The following MYBPC1 variants were observed in gnomAD, a reference collection of about 807,000 sequenced individuals.
MYBPC1 encodes myosin-binding protein C, slow-type.
Under a neutral mutation model 147.1 loss-of-function variants are expected in MYBPC1, and 52 were observed. The observed-to-expected ratio is 0.35, with a 90% CI of 0.28 to 0.45. MYBPC1 has a LOEUF of 0.45. Among genes scored for constraint, MYBPC1 ranks in the 20% least tolerant of loss-of-function variants. MYBPC1 has a pLI of 1.00. For missense variants in MYBPC1, 1,228 were observed against 1,440.3 expected (o/e 0.85, Z 2.39); for synonymous variants, 477 against 475.9 (o/e 1.00, Z -0.03).
chr12:101,688,965 A>G (rs1027574716), downstream of MYBPC1, among the ~76,000 whole-genome samples: 2 of 128,528 alleles, frequency 1.6e-5, no homozygotes, highest in East Asian at 2.2e-4. Context: ...AAAAAAAAAA[A>G]AAAGAAAAAG....
At chr12:101,661,118 C>G in intron 19 of MYBPC1, 40 bp from the exon 20 acceptor site, 1 of 1,387,742 alleles carries the variant, frequency 7.2e-7, no homozygotes, top group Non-Finnish European at 1.0e-6. Context: ...TCTACTCCCT[C>G]TTCCTTATTT....
intron 10 of MYBPC1, among the ~76,000 whole-genome samples, chr12:101,640,986 C>A (rs1479998451): frequency 6.6e-6 from 1 of 151,944 alleles, no homozygotes; most frequent in African/African-American, 2.4e-5. Flanking sequence ...GTGGCACACA[C>A]CTGTAATCCC....
Position 101,685,621 on chromosome 12 carries a change from C to T in MYBPC1, c.*59C>T. ...TGCAGACTCCTCTTGCAAGGCGTAC[C>T]TCCAAACATAATTGATTCGTATCTG... On this transcript the variant is annotated 3_prime_UTR_variant, in exon 32 of 32. Coordinates refer to ENST00000361466, the MANE Select transcript of MYBPC1 (RefSeq NM_002465.4). 6.5e-7 allele frequency: 1 copy of T among 1,534,900 alleles called. No individual in the cohort carries two copies. The highest frequency in any genetic ancestry group is 1.4e-5 in the African/African-American group (1 of 73,066).
chr12:101,684,289 C>A, intron 30 of MYBPC1, 93 bp from the exon 31 acceptor site: 6 of 973,812 alleles, frequency 6.2e-6, no homozygotes, highest in South Asian at 5.1e-5. Flanking sequence ...ATAATCATGA[C>A]CATAATTTCA....
the MYBPC1 span, among the ~76,000 whole-genome samples, chr12:101,694,661 T>A: frequency 3.3e-5 from 5 of 152,222 alleles, no homozygotes; most frequent in Non-Finnish European, 7.3e-5. Flanking sequence ...GACTTTGGAC[T>A]TCCCAGCCTC....
Position 101,636,109 on chromosome 12 carries a change from A to G in MYBPC1, c.609-563A>G, listed in dbSNP as rs530874126. Among the ~76,000 whole-genome samples, 6 of 152,346 alleles carry G rather than the reference A, an allele frequency of 3.9e-5. No individual in the cohort carries two copies. The South Asian group carries it at 1.2e-3, about 32-fold the overall frequency. On this transcript the variant is annotated intron_variant, in intron 9 of 31. Coordinates refer to ENST00000361466, the MANE Select transcript of MYBPC1 (RefSeq NM_002465.4). ...CACCCTTTAAGACAGAAAGGAATGCATCTTTTAAAAATTTCTGTGTTAGCT... is the reference window on the plus strand; with the variant it reads ...CACCCTTTAAGACAGAAAGGAATGCGTCTTTTAAAAATTTCTGTGTTAGCT...
chr12:101,599,916 T>C (rs1380579711), intron 1 of MYBPC1, among the ~76,000 whole-genome samples: 1 of 152,234 alleles, frequency 6.6e-6, no homozygotes, highest in Non-Finnish European at 1.5e-5. Context: ...AAATGCGTGC[T>C]AGAGGGGCTT....
chr12:101,644,682 A>G lies in MYBPC1; in HGVS notation c.851A>G (p.Asp284Gly). 1 of 1,613,908 alleles carries G rather than the reference A, an allele frequency of 6.2e-7. No individual in the cohort carries two copies. The highest frequency in any genetic ancestry group is 8.5e-7 in the Non-Finnish European group (1 of 1,179,868). ...CTATCAGCTTTTGCAAAAATTCTTG[A>G]TCCTGCATATCAGGTTGACAAAGGA... The part of the protein sequence containing the change: ...KKSAAFAKIL[D>G]PAYQVDKGGR... Residue 284 changes from aspartate (D) to glycine (G), a missense_variant, in exon 12 of 32, where the codon GAT (aspartate) becomes GGT (glycine). Physicochemically the swap from Asp to Gly is moderately conservative, Grantham distance 94 (BLOSUM62 -1). This residue lies in a region of MYBPC1 where 1,077 missense variants were observed against 1,314.2 expected (regional missense o/e 0.82). Coordinates refer to ENST00000361466, the MANE Select transcript of MYBPC1 (RefSeq NM_002465.4).
At chr12:101,642,813 C>T (rs1056562238) in intron 11 of MYBPC1, among the ~76,000 whole-genome samples, 2 of 152,148 alleles carry the variant, frequency 1.3e-5, no homozygotes, top group Non-Finnish European at 2.9e-5. Context: ...ATTACCCCCG[C>T]GGTTACTGGG....
chr12:101,668,378 C>T (rs1452636857), intron 23 of MYBPC1, among the ~76,000 whole-genome samples: 2 of 152,074 alleles, frequency 1.3e-5, no homozygotes, highest in African/African-American at 4.8e-5. Flanking sequence ...AAGTCAGTGC[C>T]ACGGAGCCAT....
intron 29 of MYBPC1, among the ~76,000 whole-genome samples, chr12:101,681,550 A>G (rs1950943155): frequency 1.1e-5 from 1 of 93,892 alleles, no homozygotes; most frequent in African/African-American, 4.4e-5. Flanking sequence ...GAACAAAATA[A>G]CTTTCATATA....
chr12:101,606,837 CTTTG>C (rs147439168), intron 1 of MYBPC1, among the ~76,000 whole-genome samples: 94 of 151,854 alleles, frequency 6.2e-4, no homozygotes, highest in African/African-American at 2.1e-3. Flanking sequence ...TTTTTTGTTT[CTTTG>C]TTTTGTTTTG....
intron 1 of MYBPC1, among the ~76,000 whole-genome samples, chr12:101,613,538 A>G (rs1042783652): frequency 4.6e-5 from 7 of 152,330 alleles, no homozygotes; most frequent in Middle Eastern, 3.4e-3. Context: ...GTGGTTCATG[A>G]GTGAGTGATA....
intron 1 of MYBPC1, 110 bp downstream of exon 1, chr12:101,595,205 A>C: frequency 9.9e-7 from 1 of 1,014,580 alleles, no homozygotes; most frequent in Non-Finnish European, 1.5e-6. Context: ...AAATAAAATC[A>C]CTATGATTTA....
intron 1 of MYBPC1, among the ~76,000 whole-genome samples, chr12:101,614,213 C>A (rs555887742): frequency 6.6e-6 from 1 of 152,158 alleles, no homozygotes; most frequent in Non-Finnish European, 1.5e-5. Context: ...CCCATTCTAC[C>A]TTTATCTTTC....
At chr12:101,658,962 A>C (rs1026451826) in intron 18 of MYBPC1, among the ~76,000 whole-genome samples, 2 of 152,166 alleles carry the variant, frequency 1.3e-5, no homozygotes, top group African/African-American at 4.8e-5. Context: ...TGATTGTCTT[A>C]TAGAAGATAC....
In MYBPC1 at chr12:101,653,278, G is replaced by GCA. The variant is rs537133132; in HGVS notation, c.1767+39_1767+40dup. Reference sequence around the variant, plus strand: ...GTTTTATGCTTGCACACACTCACATGCACACACACATATGCAGACACACTG... The same window carrying GCA: ...GTTTTATGCTTGCACACACTCACATGCACACACACACATATGCAGACACACTG... On this transcript the variant is annotated intron_variant, in intron 18 of 31. Coordinates refer to ENST00000361466, the MANE Select transcript of MYBPC1 (RefSeq NM_002465.4). 3.7e-6 allele frequency: 6 copies of GCA among 1,610,604 alleles called. No individual in the cohort carries two copies. In the South Asian group the frequency reaches 5.5e-5, roughly 15 times the overall value.
intron 1 of MYBPC1, among the ~76,000 whole-genome samples, chr12:101,603,818 T>C (rs1881106823): frequency 6.6e-6 from 1 of 152,120 alleles, no homozygotes; most frequent in Admixed American, 6.5e-5. Flanking sequence ...ACACCTGTAG[T>C]CCCAGCTACT....
intron 3 of MYBPC1, among the ~76,000 whole-genome samples, chr12:101,621,323 T>C (rs535599803): frequency 6.6e-6 from 1 of 152,224 alleles, no homozygotes; most frequent in South Asian, 2.1e-4. Context: ...TTTAATAGAT[T>C]TGAGGAAGAA....
Sources: gnomAD v4.1 joint callset for allele counts (sites outside exome capture counted in the v4.1 genomes callset) on GRCh38, gnomAD v4.1.1 for gene constraint, gnomAD v4.1.1 regional missense constraint, MANE v1.5 for transcripts, NCBI Gene and HGNC (gene_info 2026-07-23, HGNC 2026-07-21) for gene names.